Variants in GPR180 observed in about 807,000 individuals in gnomAD.
GPR180 encodes the protein integral membrane protein GPR180.
In GPR180, 53 loss-of-function variants were observed where a neutral mutation model predicts 52.6. The observed-to-expected ratio is 1.01, with a 90% CI of 0.81 to 1.27. The LOEUF (loss-of-function observed/expected upper bound fraction) is 1.27, where lower values mean the gene tolerates loss of function less well. Ranked by LOEUF, GPR180 falls within the 50% of genes most tolerant of loss-of-function variation. The pLI is 0.00. For synonymous variants in GPR180, 200 were observed against 193.1 expected, an observed-to-expected ratio of 1.04 and a Z score of -0.30; for missense variants, 533 against 527.0, an observed-to-expected ratio of 1.01 and a Z score of -0.11.
intron 8 of GPR180, among the ~76,000 whole-genome samples, chr13:94,626,556 T>C (rs1023652506): frequency 6.6e-6 from 1 of 152,142 alleles, no homozygotes; most frequent in African/African-American, 2.4e-5. Flanking sequence ...CAAATGTTTA[T>C]TGAGCCTGAG....
At chr13:94,621,893 A>G (rs972976291) in intron 6 of GPR180, among the ~76,000 whole-genome samples, 4 of 152,190 alleles carry the variant, frequency 2.6e-5, no homozygotes, top group African/African-American at 9.6e-5. Context: ...GAAAGGTTAT[A>G]AAGAAAAAAA....
At chr13:94,626,285 T>G (rs1775179678) in intron 8 of GPR180, among the ~76,000 whole-genome samples, 1 of 152,134 alleles carries the variant, frequency 6.6e-6, no homozygotes, top group Non-Finnish European at 1.5e-5. Flanking sequence ...AATTTTAAAA[T>G]AGAAATTTTG....
At chr13:94,618,420 A>ATTTTTTTTTTTTTTTGTTTTTTTTTTT (rs1889806746) in intron 3 of GPR180, among the ~76,000 whole-genome samples, 1 of 87,156 alleles carries the variant, frequency 1.1e-5, no homozygotes, top group African/African-American at 6.3e-5. Context: ...TCAGCACAGG[A>ATTTTTTTTTTTTTTTGTTTTTTTTTTT]TTTTTTTTTT....
At chr13:94,606,684 A>G (rs1270273971) in intron 2 of GPR180, among the ~76,000 whole-genome samples, 1 of 152,184 alleles carries the variant, frequency 6.6e-6, no homozygotes, top group Non-Finnish European at 1.5e-5. Flanking sequence ...TTCATTTCTA[A>G]ACATCTGGCT....
intron 3 of GPR180, 86 bp from the exon 4 acceptor site, chr13:94,619,064 A>G: frequency 9.7e-7 from 1 of 1,033,280 alleles, no homozygotes; most frequent in East Asian, 2.5e-5. Context: ...AGTTCTAGAA[A>G]TATATTGACA....
At chr13:94,613,080 A>G (rs1422595042) in intron 3 of GPR180, among the ~76,000 whole-genome samples, 1 of 152,254 alleles carries the variant, frequency 6.6e-6, no homozygotes, top group Non-Finnish European at 1.5e-5. Flanking sequence ...TGAACATGCT[A>G]TGAAGTATAA....
chr13:94,626,435 A>T (rs1202825525), intron 8 of GPR180, among the ~76,000 whole-genome samples: 2 of 152,166 alleles, frequency 1.3e-5, no homozygotes, highest in Non-Finnish European at 2.9e-5. Flanking sequence ...CTCAAGTATG[A>T]TGCATTTTGA....
At position 94,634,236 on chromosome 13, in the gene GPR180, ACTTT is replaced by A. The variant is rs1890036052; in HGVS notation, c.*7069_*7072del. ...TTCCATAGCAATTTAGGGAAATTTGACTTTCTTAACGTGTTGAGTGTTAAACCCA... is the reference window on the plus strand; with the variant it reads ...TTCCATAGCAATTTAGGGAAATTTGACTTAACGTGTTGAGTGTTAAACCCA... On this transcript the variant is annotated 3_prime_UTR_variant, in exon 9 of 9. Transcript: ENST00000376958. 1 of 152,156 alleles carries A rather than the reference ACTTT, an allele frequency of 6.6e-6. No homozygotes were observed. Among genetic ancestry groups the A allele is most frequent in the Admixed American group, 6.5e-5 (1 of 15,272 alleles). The allele number at this position is 152,156 out of a possible 1,614,324, so 9.4% of individuals were successfully genotyped here. A position where few individuals can be genotyped will look rare whatever the true frequency, so the allele number is the denominator to read the frequency against.
intron 8 of GPR180, 82 bp downstream of exon 8, chr13:94,626,125 A>G (rs922121528): frequency 1.0e-5 from 9 of 879,612 alleles, no homozygotes; most frequent in South Asian, 1.8e-5. Context: ...GGAGGGACCT[A>G]TTTATTTTTT....
intron 3 of GPR180, among the ~76,000 whole-genome samples, chr13:94,616,997 A>G (rs895123438): frequency 6.6e-6 from 1 of 152,212 alleles, no homozygotes; most frequent in Non-Finnish European, 1.5e-5. Flanking sequence ...TGTTATGTCA[A>G]TGAAATAATT....
At chr13:94,605,823 A>G (rs1410448101) in intron 2 of GPR180, among the ~76,000 whole-genome samples, 1 of 152,210 alleles carries the variant, frequency 6.6e-6, no homozygotes, top group Non-Finnish European at 1.5e-5. Flanking sequence ...TGGAAACTAT[A>G]TTTTGACCCA....
Position 94,627,192 on chromosome 13 carries a change from GA to G in GPR180, c.*25del. The G allele has an allele frequency of 6.2e-7, 1 of 1,607,482 alleles. No individual in the cohort carries two copies. The highest frequency in any genetic ancestry group is 1.7e-5 in the Admixed American group (1 of 59,650). ...TCTGATACTTGATTTTTGTTGAGAGGAAAAGTGAATTGGTTAAAAGAGTGCA... is the reference window on the plus strand; with the variant it reads ...TCTGATACTTGATTTTTGTTGAGAGGAAAGTGAATTGGTTAAAAGAGTGCA... On this transcript the variant is annotated 3_prime_UTR_variant, in exon 9 of 9. Transcript: ENST00000376958.
In GPR180 at chr13:94,601,877, C is replaced by A; in HGVS notation, c.-51C>A. The stretch of plus-strand genomic sequence containing the variant: ...CCCCCAGCTGCCGACGTGGGGCGGG[C>A]AGCCGCCGGCGGCTGGGAGCCGAGG... On this transcript the variant is annotated 5_prime_UTR_variant, in exon 1 of 9. Transcript: ENST00000376958. 7.5e-7 allele frequency: 1 copy of A among 1,334,770 alleles called. No homozygotes were observed. Among genetic ancestry groups the A allele is most frequent in the Non-Finnish European group, 9.6e-7 (1 of 1,042,048 alleles). 82.7% of individuals were successfully genotyped at this position (1,334,770 alleles called of 1,614,324 possible).
chr13:94,618,251 A>G (rs1336337502), intron 3 of GPR180, among the ~76,000 whole-genome samples: 2 of 151,990 alleles, frequency 1.3e-5, no homozygotes, highest in South Asian at 2.1e-4. Flanking sequence ...TTCAATTTCT[A>G]TGGCCTCTTT....
chr13:94,612,316 T>G lies in GPR180; in HGVS notation c.431T>G (p.Ile144Ser). The G allele has an allele frequency of 1.2e-6, 2 of 1,613,912 alleles. No individual in the cohort carries two copies. The highest frequency in any genetic ancestry group is 2.2e-5 in the East Asian group (1 of 44,858). ...AAGGAGAATTCTCAGGTGGAAGATA[T>G]CCCATTTGAAATGGTGTTACTAAAC... is the stretch of plus-strand genomic sequence containing the variant. ...DDKENSQVEDIPFEMVLLNPD... is the reference protein window; with the variant it reads ...DDKENSQVEDSPFEMVLLNPD... Residue 144 changes from isoleucine to serine, a missense_variant, in exon 3 of 9, where the codon ATC (isoleucine) becomes AGC (serine). Physicochemically the swap from Ile to Ser is moderately radical, Grantham distance 142. Coordinates refer to ENST00000376958, the MANE Select transcript of GPR180 (RefSeq NM_180989.6).
chr13:94,610,280 A>G (rs1889686261), intron 2 of GPR180, among the ~76,000 whole-genome samples: 1 of 152,200 alleles, frequency 6.6e-6, no homozygotes, highest in Admixed American at 6.5e-5. Context: ...TACCTCAAGA[A>G]ATGTCTTTTA....
At chr13:94,602,122 C>T (rs1002806983) in intron 1 of GPR180, 50 bp downstream of exon 1, 53 of 1,268,848 alleles carry the variant, frequency 4.2e-5, no homozygotes, top group Middle Eastern at 2.8e-4. Context: ...CCCATCCCGC[C>T]GGCTGAGTCC....
rs756419607 is a variant in GPR180, at chr13:94,628,971, A to G, written c.*1800A>G. On this transcript the variant is annotated 3_prime_UTR_variant, in exon 9 of 9. Coordinates refer to ENST00000376958, the MANE Select transcript of GPR180 (RefSeq NM_180989.6). ...AAGAACATAAGTAACTGCAATTAAC[A>G]TATATGAAATTTATTACTCTGCTTG... is the stretch of plus-strand genomic sequence containing the variant. 2.0e-5 allele frequency: 3 copies of G among 152,144 alleles called. No homozygotes were observed. The highest frequency in any genetic ancestry group is 6.5e-5 in the Admixed American group (1 of 15,284). 9.4% of individuals were successfully genotyped at this position (152,144 alleles called of 1,614,324 possible).
rs964864448 is a variant in GPR180, at chr13:94,631,831, G to A, written c.*4660G>A. 6 of 151,976 alleles carry A rather than the reference G, an allele frequency of 3.9e-5. No individual in the cohort carries two copies. The highest frequency in any genetic ancestry group is 8.8e-5 in the Non-Finnish European group (6 of 67,992). 9.4% of individuals were successfully genotyped at this position (151,976 alleles called of 1,614,324 possible). On this transcript the variant is annotated 3_prime_UTR_variant, in exon 9 of 9. Transcript: ENST00000376958. ...AGTTGTCATAAAACATCAGTTACGAGAGGATTTCTCAAATTCTCACAGAGG... is the reference window on the plus strand; with the variant it reads ...AGTTGTCATAAAACATCAGTTACGAAAGGATTTCTCAAATTCTCACAGAGG...
Sources: allele counts gnomAD v4.1 joint callset (sites outside exome capture counted in the v4.1 genomes callset), GRCh38; gene constraint gnomAD v4.1.1; transcripts MANE v1.5; gene names NCBI Gene and HGNC (gene_info 2026-07-23, HGNC 2026-07-21).